Variants in ERC2 observed in about 807,000 individuals in gnomAD.
ERC2 encodes the protein ELKS/RAB6-interacting/CAST family member 2, also known as ERC protein 2.
A neutral mutation model predicts 114.8 loss-of-function variants in ERC2; 42 were observed. The observed-to-expected ratio is 0.37, with a 90% CI of 0.29 to 0.47. The LOEUF is 0.47. Among genes scored for constraint, ERC2 ranks in the 20% least tolerant of loss-of-function variants. The probability of loss-of-function intolerance (pLI) is 0.99; values close to 1 mark genes in which losing one functional copy is unlikely to be tolerated. For missense variants in ERC2, 939 were observed against 1,150.7 expected, an observed-to-expected ratio of 0.82 and a Z score of 2.66; for synonymous variants, 454 against 425.5, an observed-to-expected ratio of 1.07 and a Z score of -0.82.
intron 13 of ERC2, among the ~76,000 whole-genome samples, chr3:55,905,130 C>T (rs746090706): frequency 7.2e-5 from 11 of 152,156 alleles, no homozygotes; most frequent in Non-Finnish European, 1.5e-4. Context: ...GCCCAAGCTG[C>T]AGTGCAGTGG....
chr3:55,516,314 C>CGGGGTGGAA (rs2052501301), intron 17 of ERC2, among the ~76,000 whole-genome samples: 1 of 149,658 alleles, frequency 6.7e-6, no homozygotes, highest in Non-Finnish European at 1.5e-5. Context: ...TCTTTAAAAA[C>CGGGGTGGAA]GGGGTGGAAT....
chr3:56,395,287 A>T (rs1440353708), intron 2 of ERC2, among the ~76,000 whole-genome samples: 5 of 152,232 alleles, frequency 3.3e-5, no homozygotes, highest in Non-Finnish European at 7.3e-5. Flanking sequence ...TGATATGTGA[A>T]TTACATTTCA....
At chr3:55,812,624 A>G (rs1451490248) in intron 14 of ERC2, among the ~76,000 whole-genome samples, 1 of 152,200 alleles carries the variant, frequency 6.6e-6, no homozygotes, top group African/African-American at 2.4e-5. Context: ...CAAAGAGAAC[A>G]GGAGGGAGGA....
intron 17 of ERC2, among the ~76,000 whole-genome samples, chr3:55,627,019 CA>C (rs1413785033): frequency 1.3e-5 from 2 of 152,134 alleles, no homozygotes; most frequent in Non-Finnish European, 2.9e-5. Context: ...AATGTAAAAT[CA>C]AAAAAGCACA....
At chr3:56,227,095 G>A (rs568006295) in intron 3 of ERC2, among the ~76,000 whole-genome samples, 1 of 152,116 alleles carries the variant, frequency 6.6e-6, no homozygotes, top group East Asian at 1.9e-4. Flanking sequence ...GCCCTGCTTG[G>A]ATTCCAAGTC....
chr3:55,511,614 A>G (rs552799744), intron 17 of ERC2, among the ~76,000 whole-genome samples: 18 of 152,360 alleles, frequency 1.2e-4, no homozygotes, highest in African/African-American at 4.3e-4. Flanking sequence ...TAATCGGACT[A>G]TATGTCAACT....
chr3:55,900,398 C>T (rs537378546), intron 13 of ERC2, among the ~76,000 whole-genome samples: 1 of 152,210 alleles, frequency 6.6e-6, no homozygotes, highest in Non-Finnish European at 1.5e-5. Flanking sequence ...TTGGCCACCT[C>T]CATTAGCAGA....
At chr3:56,016,614 G>C (rs1229227959) in intron 8 of ERC2, among the ~76,000 whole-genome samples, 3 of 151,904 alleles carry the variant, frequency 2.0e-5, no homozygotes. Context: ...GGTATAGATG[G>C]GGCCTAACAA....
At chr3:55,970,174 A>T (rs2069056651) in intron 12 of ERC2, among the ~76,000 whole-genome samples, 1 of 152,168 alleles carries the variant, frequency 6.6e-6, no homozygotes, top group Non-Finnish European at 1.5e-5. Flanking sequence ...TGCCAATATA[A>T]AGCTGTCAGC....
intron 17 of ERC2, among the ~76,000 whole-genome samples, chr3:55,589,697 G>C (rs939450689): frequency 1.3e-5 from 2 of 152,090 alleles, no homozygotes; most frequent in African/African-American, 4.8e-5. Flanking sequence ...GGCAGTGAGG[G>C]GAGGGCAGGA....
chr3:55,793,756 A>G (rs2070250971), intron 14 of ERC2, among the ~76,000 whole-genome samples: 1 of 152,226 alleles, frequency 6.6e-6, no homozygotes, highest in South Asian at 2.1e-4. Flanking sequence ...GTCTACACCT[A>G]ATCAAGTTAC....
Position 55,537,547 on chromosome 3 carries a change from C to T in ERC2, c.*40-26271G>A, listed in dbSNP as rs567438636. Reference sequence around the variant, plus strand: ...AAAAATGATCGGTGTCTCTGCTCCCCGACTCGCACTTTAGAGCAGAGGCAT... The same window carrying T: ...AAAAATGATCGGTGTCTCTGCTCCCTGACTCGCACTTTAGAGCAGAGGCAT... On this transcript the variant is annotated intron_variant, in intron 17 of 17. Coordinates refer to ENST00000288221, the MANE Select transcript of ERC2 (RefSeq NM_015576.3). 1.1e-4 allele frequency among the ~76,000 whole-genome samples: 17 copies of T among 152,328 alleles called. No individual in the cohort carries two copies. In the South Asian group the frequency reaches 3.3e-3, roughly 30 times the overall value.
intron 14 of ERC2, among the ~76,000 whole-genome samples, chr3:55,806,275 C>T (rs1321741706): frequency 6.7e-6 from 1 of 148,696 alleles, no homozygotes; most frequent in Non-Finnish European, 1.5e-5. Context: ...GCAGAGGTTG[C>T]AGTGAGCTGA....
Position 55,980,489 on chromosome 3 carries a change from G to C in ERC2, c.2267+5488C>G, listed in dbSNP as rs76284856. Among the ~76,000 whole-genome samples, 2,160 of 152,276 alleles carry C rather than the reference G, an allele frequency of 0.014. 85 individuals are homozygous for C. In the East Asian group the frequency reaches 0.16, roughly 11 times the overall value. ...ATGGTTGGGTTTCTCTACAACCTGAGCTAGTATTGTGCATAATGAAGTGAT... is the reference window on the plus strand; with the variant it reads ...ATGGTTGGGTTTCTCTACAACCTGACCTAGTATTGTGCATAATGAAGTGAT... On this transcript the variant is annotated intron_variant, in intron 12 of 17. Transcript: ENST00000288221.
intron 14 of ERC2, among the ~76,000 whole-genome samples, chr3:55,819,982 C>A (rs951929776): frequency 6.6e-6 from 1 of 152,162 alleles, no homozygotes; most frequent in Non-Finnish European, 1.5e-5. Flanking sequence ...GTGTAATTAG[C>A]AATTTCACCT....
At chr3:55,994,852 T>C (rs2071384234) in intron 10 of ERC2, among the ~76,000 whole-genome samples, 1 of 152,112 alleles carries the variant, frequency 6.6e-6, no homozygotes, top group Non-Finnish European at 1.5e-5. Context: ...AAAGGACTCA[T>C]GGGATGTTTA....
chr3:56,027,873 C>T (rs1229235792), intron 7 of ERC2, among the ~76,000 whole-genome samples: 1 of 152,128 alleles, frequency 6.6e-6, no homozygotes, highest in Non-Finnish European at 1.5e-5. Context: ...GTTGCCTAGT[C>T]CTAAATCATG....
chr3:56,028,833 T>C (rs1028893083), intron 7 of ERC2, among the ~76,000 whole-genome samples: 3 of 152,042 alleles, frequency 2.0e-5, no homozygotes, highest in Admixed American at 1.3e-4. Context: ...GGCTTTGGAG[T>C]ACTATGCTGT....
chr3:55,928,387 C>T (rs2065873368), intron 13 of ERC2, among the ~76,000 whole-genome samples: 1 of 152,090 alleles, frequency 6.6e-6, no homozygotes, highest in Admixed American at 6.5e-5. Context: ...TTTTCATATA[C>T]CTGTTTGCCA....
Sources: gnomAD v4.1 joint callset for allele counts (sites outside exome capture counted in the v4.1 genomes callset) on GRCh38, gnomAD v4.1.1 for gene constraint, MANE v1.5 for transcripts, NCBI Gene and HGNC (gene_info 2026-07-23, HGNC 2026-07-21) for gene names.